Variants in PRDM16 observed in about 807,000 individuals in gnomAD.
The protein encoded by PRDM16 is histone-lysine N-methyltransferase PRDM16.
In PRDM16, 23 loss-of-function variants were observed where a neutral mutation model predicts 110.6. That is an observed-to-expected ratio of 0.21 (90% confidence interval 0.15 to 0.29). The LOEUF (loss-of-function observed/expected upper bound fraction) is 0.29, where lower values mean the gene tolerates loss of function less well. PRDM16 is among the 10% of genes least tolerant of loss of function. PRDM16 has a pLI of 1.00. For synonymous variants in PRDM16, 799 were observed against 781.8 expected, an observed-to-expected ratio of 1.02 and a Z score of -0.37; for missense variants, 1,615 against 1,794.3, an observed-to-expected ratio of 0.90 and a Z score of 1.81.
rs116194432 is a variant in PRDM16, at chr1:3,396,017, G to A, written c.574-474G>A. Among the ~76,000 whole-genome samples the A allele has an allele frequency of 5.0e-3, 767 of 152,318 alleles. 4 individuals carry two copies. The highest frequency in any genetic ancestry group is 0.018 in the African/African-American group (728 of 41,556). ...GCTCCTGGGAGAACCGCAGCCCCAT[G>A]TCCTGACTCACTGGCCAGGCGCAGC... On this transcript the variant is annotated intron_variant, in intron 4 of 16. Transcript: ENST00000270722.
chr1:3,199,248 C>A lies in PRDM16; in HGVS notation c.387+12774C>A, dbSNP rs138279973. 5.9e-3 allele frequency among the ~76,000 whole-genome samples: 893 copies of A among 151,096 alleles called. 6 individuals carry two copies. The highest frequency in any genetic ancestry group is 0.017 in the Middle Eastern group (5 of 292). ...TGCCGCCGAGGAGCTTGCCTGTGGG[C>A]GGAGAGCCATAGCCAGGTGTCCCCC... On this transcript the variant is annotated intron_variant, in intron 2 of 16. Coordinates refer to ENST00000270722, the MANE Select transcript of PRDM16 (RefSeq NM_022114.4).
At chr1:3,322,073 T>C (rs1641769078) in intron 3 of PRDM16, among the ~76,000 whole-genome samples, 1 of 151,346 alleles carries the variant, frequency 6.6e-6, no homozygotes, top group Non-Finnish European at 1.5e-5. Context: ...GGAGTGCACG[T>C]GTGTGAGGCT....
chr1:3,248,261 C>T (rs565312012), intron 3 of PRDM16, among the ~76,000 whole-genome samples: 14 of 152,304 alleles, frequency 9.2e-5, no homozygotes, highest in African/African-American at 3.1e-4. Flanking sequence ...TTGATTCAAT[C>T]TCTGGCGATA....
At chr1:3,076,382 G>A (rs1167302678) in intron 1 of PRDM16, among the ~76,000 whole-genome samples, 1 of 152,220 alleles carries the variant, frequency 6.6e-6, no homozygotes, top group Non-Finnish European at 1.5e-5. Context: ...GATGAGGGAA[G>A]AGTTTGCTTT....
At chr1:3,138,538 C>T (rs1165834880) in intron 1 of PRDM16, among the ~76,000 whole-genome samples, 3 of 152,220 alleles carry the variant, frequency 2.0e-5, no homozygotes, top group South Asian at 4.1e-4. Context: ...CTTCTGCTGC[C>T]GGTGACATAC....
Position 3,143,813 on chromosome 1 carries a change from G to GGT in PRDM16, c.38-42305_38-42304dup, listed in dbSNP as rs1285966933. On this transcript the variant is annotated intron_variant, in intron 1 of 16. Coordinates refer to ENST00000270722, the MANE Select transcript of PRDM16 (RefSeq NM_022114.4). This position sits in a 1 kb window ranked among gnomAD's most constrained non-coding sequence, Gnocchi z 4.5. ...TCTAAATAGTGAGGCCCAGAGTGCA[G>GGT]GTGTGTGTCACACACCTCTGGTCTG... 6.6e-6 allele frequency among the ~76,000 whole-genome samples: 1 copy of GGT among 152,170 alleles called. No homozygotes were observed. Among genetic ancestry groups the GGT allele is most frequent in the Non-Finnish European group, 1.5e-5 (1 of 68,030 alleles).
intron 1 of PRDM16, among the ~76,000 whole-genome samples, chr1:3,097,490 C>T (rs1284063246): frequency 6.6e-6 from 1 of 152,222 alleles, no homozygotes; most frequent in Admixed American, 6.5e-5. Context: ...GGTCAGGGTC[C>T]CCTCATTCCA....
chr1:3,237,521 T>A (rs553668330), intron 2 of PRDM16, among the ~76,000 whole-genome samples: 1 of 152,352 alleles, frequency 6.6e-6, no homozygotes, highest in Non-Finnish European at 1.5e-5. Flanking sequence ...TGTTTCCGTA[T>A]TTTTTAAATG....
At chr1:3,212,398 C>T (rs938405728) in intron 2 of PRDM16, among the ~76,000 whole-genome samples, 13 of 152,074 alleles carry the variant, frequency 8.5e-5, no homozygotes, top group South Asian at 2.1e-4. Flanking sequence ...GCTGCCTGAG[C>T]GGGGGCACCT....
intron 1 of PRDM16, among the ~76,000 whole-genome samples, chr1:3,166,134 T>C (rs1643953737): frequency 6.6e-6 from 1 of 152,346 alleles, no homozygotes; most frequent in Non-Finnish European, 1.5e-5. Context: ...GCTTTCCGTT[T>C]GGCTGAAATT....
At chr1:3,162,530 G>A (rs1271115558) in intron 1 of PRDM16, among the ~76,000 whole-genome samples, 3 of 152,204 alleles carry the variant, frequency 2.0e-5, no homozygotes, top group African/African-American at 7.2e-5. Flanking sequence ...GCCCACGAAG[G>A]TCGTCATTAC....
rs529690359 is a variant in PRDM16 at position 3,337,897 on chromosome 1, CAT to C, written c.439-47254_439-47253del. Among the ~76,000 whole-genome samples, 38 of 151,540 alleles carry C rather than the reference CAT, an allele frequency of 2.5e-4. No homozygotes were observed. In the South Asian group the frequency reaches 2.7e-3, roughly 11 times the overall value. On this transcript the variant is annotated intron_variant, in intron 3 of 16. Coordinates refer to ENST00000270722, the MANE Select transcript of PRDM16 (RefSeq NM_022114.4). ...ACAGGCCCACATGCACGGACACACA[CAT>C]GGGCACTTGTGTACACATAGATATG...
chr1:3,165,358 C>T (rs936084711), intron 1 of PRDM16, among the ~76,000 whole-genome samples: 18 of 150,594 alleles, frequency 1.2e-4, no homozygotes, highest in South Asian at 4.2e-4. Flanking sequence ...GGCTCAGGGA[C>T]GGTGACTCAC....
At chr1:3,269,227 G>A (rs544555258) in intron 3 of PRDM16, among the ~76,000 whole-genome samples, 38 of 152,402 alleles carry the variant, frequency 2.5e-4, no homozygotes, top group African/African-American at 8.4e-4. Context: ...GGACAGCTGG[G>A]AGGAGGAGGA....
chr1:3,352,297 T>C (rs1029364415), intron 3 of PRDM16, among the ~76,000 whole-genome samples: 2 of 152,144 alleles, frequency 1.3e-5, no homozygotes, highest in Non-Finnish European at 2.9e-5. Flanking sequence ...ATCCCAGCCG[T>C]GCCCACCCCT....
intron 1 of PRDM16, among the ~76,000 whole-genome samples, chr1:3,129,058 GT>G (rs991578976): frequency 2.2e-4 from 34 of 152,308 alleles, no homozygotes; most frequent in African/African-American, 7.7e-4. Flanking sequence ...GCATGTGTGT[GT>G]GGGGGGTTGC....
intron 1 of PRDM16, among the ~76,000 whole-genome samples, chr1:3,115,467 C>T (rs192670472): frequency 7.9e-5 from 12 of 152,362 alleles, no homozygotes; most frequent in African/African-American, 9.6e-5. Context: ...TAATGGCACG[C>T]GGACTTTGCA....
chr1:3,124,893 G>GC (rs143003510), intron 1 of PRDM16, among the ~76,000 whole-genome samples: 7,465 of 152,286 alleles, frequency 0.049, 584 homozygotes, highest in African/African-American at 0.17. Context: ...TGGGAAGTAG[G>GC]CTGGAGAAGG....
intron 1 of PRDM16, among the ~76,000 whole-genome samples, chr1:3,123,956 C>A (rs548010515): frequency 1.3e-5 from 2 of 152,348 alleles, no homozygotes; most frequent in South Asian, 2.1e-4. Context: ...CTGCAGTCAG[C>A]GTCCCAGATG....
Sources: allele counts gnomAD v4.1 joint callset (sites outside exome capture counted in the v4.1 genomes callset), GRCh38; gene constraint gnomAD v4.1.1; non-coding constraint Gnocchi (gnomAD v3.1); transcripts MANE v1.5; gene names NCBI Gene and HGNC (gene_info 2026-07-23, HGNC 2026-07-21).